Variants in NHS observed in about 807,000 individuals in gnomAD.
NHS encodes actin remodeling regulator NHS.
A neutral mutation model predicts 72.5 loss-of-function variants in NHS; 5 were observed. That is an observed-to-expected ratio of 0.07 (90% CI 0.04 to 0.14). The LOEUF is 0.14. Among genes scored for constraint, NHS ranks in the 10% least tolerant of loss-of-function variants. The pLI is 1.00. For synonymous variants in NHS, 464 were observed against 547.7 expected, an observed-to-expected ratio of 0.85 and a Z score of 2.13; for missense variants, 1,072 against 1,355.7, an observed-to-expected ratio of 0.79 and a Z score of 3.29.
chrX:17,424,231 T>G (rs939536052), intron 1 of NHS, among the ~76,000 whole-genome samples: 1 of 112,175 alleles, frequency 8.9e-6, no homozygotes, highest in African/African-American at 3.2e-5. Flanking sequence ...GAGGGACAAA[T>G]GCTCTGTGCT....
At chrX:17,704,534 G>A (rs906990532) in intron 3 of NHS, among the ~76,000 whole-genome samples, 3 of 110,589 alleles carry the variant, frequency 2.7e-5, no homozygotes, top group Non-Finnish European at 5.7e-5. Context: ...TCCTGACCTC[G>A]TGATCCACCC....
chrX:17,385,794 T>C (rs2064404405), intron 1 of NHS, among the ~76,000 whole-genome samples: 2 of 112,495 alleles, frequency 1.8e-5, no homozygotes, highest in South Asian at 7.4e-4. Flanking sequence ...AAGAATGGTT[T>C]CTTAAAAGTG....
At chrX:17,578,418 G>A (rs1369004663) in intron 1 of NHS, among the ~76,000 whole-genome samples, 2 of 112,005 alleles carry the variant, frequency 1.8e-5, no homozygotes, top group African/African-American at 3.2e-5. Flanking sequence ...AAGTAGGCTC[G>A]AGGCCCAACT....
chrX:17,408,164 C>G (rs111847138), intron 1 of NHS, among the ~76,000 whole-genome samples: 36 of 110,387 alleles, frequency 3.3e-4, no homozygotes, highest in African/African-American at 1.2e-3. Context: ...TGCCACCATA[C>G]CTGGCTAATT....
intron 1 of NHS, among the ~76,000 whole-genome samples, chrX:17,585,161 C>G (rs2065568165): frequency 9.0e-6 from 1 of 111,452 alleles, no homozygotes; most frequent in Non-Finnish European, 1.9e-5. Context: ...CGTCTCCAAA[C>G]TGTTCCTTAG....
At chrX:17,692,502 G>C (rs1352463315) in intron 3 of NHS, 34 bp downstream of exon 3, 1 of 1,207,023 alleles carries the variant, frequency 8.3e-7, no homozygotes, top group Non-Finnish European at 1.1e-6. Context: ...CCCTATGCTT[G>C]CTGCTGAGGA....
intron 1 of NHS, among the ~76,000 whole-genome samples, chrX:17,475,822 C>T (rs1490021898): frequency 8.9e-6 from 1 of 112,256 alleles, no homozygotes; most frequent in African/African-American, 3.2e-5. Context: ...CCTCACTTCC[C>T]TTCCTGCCCC....
chrX:17,695,948 G>A (rs1466217841), intron 3 of NHS, among the ~76,000 whole-genome samples: 3 of 108,471 alleles, frequency 2.8e-5, no homozygotes, highest in Non-Finnish European at 5.8e-5. Context: ...AAAAAGGGGG[G>A]GGGTATCTAT....
chrX:17,687,291 G>A (rs924322139), intron 1 of NHS: 12 of 188,944 alleles, frequency 6.4e-5, no homozygotes, highest in Admixed American at 1.3e-4. Flanking sequence ...GACAGCAGGG[G>A]CGGCGTGCAG....
rs555511850 is a variant in NHS, at chrX:17,692,180, C to T, written c.719-155C>T. Among the ~76,000 whole-genome samples the T allele has an allele frequency of 8.1e-5, 9 of 111,272 alleles. No homozygotes were observed. The South Asian group carries it at 3.0e-3, about 38-fold the overall frequency. ...TAGTAAGTGAAAGTTCAATTAAAAA[C>T]CATTCTGAAAATCTTATTTGGTATT... On this transcript the variant is annotated intron_variant, in intron 2 of 8. Coordinates refer to ENST00000676302, the MANE Select transcript of NHS (RefSeq NM_001291867.2).
rs1308232621 is a variant in NHS at position 17,419,645 on chromosome X, T to C, written c.565+43323T>C. Among the ~76,000 whole-genome samples, 3 of 110,781 alleles carry C rather than the reference T, an allele frequency of 2.7e-5. No homozygotes were observed. The East Asian group carries it at 8.5e-4, about 31-fold the overall frequency. On this transcript the variant is annotated intron_variant, in intron 1 of 8. Transcript: ENST00000676302. The stretch of plus-strand genomic sequence containing the variant: ...AAAGAGAGAATATTTCTAGATTTAG[T>C]GTATAAAGAATAATGGCCTAGAAGT...
At chrX:17,446,516 G>A (rs1037035684) in intron 1 of NHS, among the ~76,000 whole-genome samples, 9 of 108,824 alleles carry the variant, frequency 8.3e-5, no homozygotes, top group Non-Finnish European at 1.5e-4. Context: ...GCCCCTGCCC[G>A]CCAGTGAACA....
chrX:17,684,300 A>C (rs971448297), intron 1 of NHS, among the ~76,000 whole-genome samples: 18 of 112,152 alleles, frequency 1.6e-4, no homozygotes, highest in Non-Finnish European at 3.2e-4. Flanking sequence ...TGCATAGCAA[A>C]TCATTGCAAA....
At position 17,726,470 on chromosome X, in the gene NHS, G is replaced by C; in HGVS notation, c.2364G>C (p.Met788Ile). The change falls in exon 7 of 9, where the codon ATG becomes ATC. Residue 788 changes from methionine to isoleucine, a missense_variant. By Grantham distance (10) the Met-to-Ile change is conservative (BLOSUM62 1). Coordinates refer to ENST00000676302, the MANE Select transcript of NHS (RefSeq NM_001291867.2). ...SVDTEGYYTS[M>I]HFDCGLKGNK... ...ACACGGAAGGATACTATACCTCCAT[G>C]CACTTTGACTGTGGTCTCAAAGGTA... The C allele has an allele frequency of 2.5e-6, 3 of 1,212,009 alleles. No individual in the cohort carries two copies. Among genetic ancestry groups the C allele is most frequent in the South Asian group, 1.8e-5 (1 of 57,010 alleles).
chrX:17,511,053 G>A (rs991766055), intron 1 of NHS, among the ~76,000 whole-genome samples: 1 of 111,846 alleles, frequency 8.9e-6, no homozygotes, highest in Non-Finnish European at 1.9e-5. Context: ...TTGGCCTTAA[G>A]CTCTAGGAGA....
chrX:17,513,988 G>C (rs1006636191), intron 1 of NHS, among the ~76,000 whole-genome samples: 2 of 111,991 alleles, frequency 1.8e-5, no homozygotes, highest in East Asian at 2.8e-4. Flanking sequence ...AGGCAAGGAG[G>C]AGCAAGTCAT....
At chrX:17,681,953 G>A (rs1486671784) in intron 1 of NHS, among the ~76,000 whole-genome samples, 1 of 111,101 alleles carries the variant, frequency 9.0e-6, no homozygotes. Context: ...CCATAGTGGG[G>A]AACAAATCTG....
intron 1 of NHS, among the ~76,000 whole-genome samples, chrX:17,394,438 C>A (rs2064461902): frequency 8.9e-6 from 1 of 112,188 alleles, no homozygotes; most frequent in African/African-American, 3.2e-5. Context: ...AGATTTTCTT[C>A]AAATATAGAG....
intron 1 of NHS, among the ~76,000 whole-genome samples, chrX:17,682,560 C>T (rs1427522254): frequency 1.8e-5 from 2 of 111,275 alleles, no homozygotes; most frequent in Non-Finnish European, 3.8e-5. Flanking sequence ...TTTCTTCCCT[C>T]CCTTGAAGGG....
Sources: gnomAD v4.1 joint callset for allele counts (sites outside exome capture counted in the v4.1 genomes callset) on GRCh38, gnomAD v4.1.1 for gene constraint, MANE v1.5 for transcripts, NCBI Gene and HGNC (gene_info 2026-07-23, HGNC 2026-07-21) for gene names.